CCDC171: variants seen among roughly 807,000 people sequenced by gnomAD.
CCDC171 encodes the protein coiled-coil domain-containing protein 171.
CCDC171 carries 177 observed loss-of-function variants against 168.2 expected under a neutral mutation model. The observed-to-expected ratio is 1.05, with a 90% CI of 0.93 to 1.19. The LOEUF is 1.19. Among genes scored for constraint, CCDC171 ranks in the 50% most tolerant of loss-of-function variants. The probability of loss-of-function intolerance (pLI) is 0.00; values close to 1 mark genes in which losing one functional copy is unlikely to be tolerated. For missense variants in CCDC171, 1,991 were observed against 1,539.0 expected (o/e 1.29, Z -4.91); for synonymous variants, 687 against 540.8 (o/e 1.27, Z -3.75).
chr9:16,089,897 A>G, the CCDC171 span, among the ~76,000 whole-genome samples: 2 of 152,162 alleles, frequency 1.3e-5, no homozygotes, highest in Admixed American at 1.3e-4. Flanking sequence ...AGTAGGATGG[A>G]GATCATTAAA....
intron 3 of CCDC171, among the ~76,000 whole-genome samples, chr9:15,983,171 C>G (rs1417681544): frequency 1.3e-5 from 2 of 152,000 alleles, no homozygotes; most frequent in South Asian, 4.2e-4. Flanking sequence ...TTCAGAACCC[C>G]CTTCCCCTTT....
chr9:15,634,660 T>A (rs2132381113), intron 7 of CCDC171, among the ~76,000 whole-genome samples: 1 of 152,328 alleles, frequency 6.6e-6, no homozygotes, highest in African/African-American at 2.4e-5. Flanking sequence ...AGATGTAATT[T>A]GCATATTATA....
intron 21 of CCDC171, among the ~76,000 whole-genome samples, chr9:15,797,190 A>G (rs1186653136): frequency 6.6e-6 from 1 of 152,134 alleles, no homozygotes; most frequent in Non-Finnish European, 1.5e-5. Flanking sequence ...TTTGTAAAAT[A>G]TCTGTTCAAA....
intron 25 of CCDC171, among the ~76,000 whole-genome samples, chr9:15,926,311 A>C (rs1361346243): frequency 6.6e-6 from 1 of 151,572 alleles, no homozygotes; most frequent in East Asian, 1.9e-4. Context: ...TTTTAGTTCC[A>C]TTCCCCCTCT....
chr9:16,077,968 C>T, the CCDC171 span, among the ~76,000 whole-genome samples: 1 of 151,860 alleles, frequency 6.6e-6, no homozygotes, highest in Admixed American at 6.6e-5. Context: ...ACCTAATATA[C>T]ATTGTGATGG....
At chr9:15,827,804 G>A (rs538096203) in intron 21 of CCDC171, among the ~76,000 whole-genome samples, 97 of 152,232 alleles carry the variant, frequency 6.4e-4, no homozygotes, top group African/African-American at 2.3e-3. Flanking sequence ...CCTTTAGTTT[G>A]TTGTAGCTGA....
At chr9:15,982,030 T>C (rs1177331318) in intron 3 of CCDC171, among the ~76,000 whole-genome samples, 2 of 152,194 alleles carry the variant, frequency 1.3e-5, no homozygotes, top group Non-Finnish European at 2.9e-5. Flanking sequence ...CATATTGTAG[T>C]TGTAGTTTAT....
intron 21 of CCDC171, among the ~76,000 whole-genome samples, chr9:15,801,987 G>T (rs1405381952): frequency 6.6e-6 from 1 of 151,952 alleles, no homozygotes; most frequent in African/African-American, 2.4e-5. Flanking sequence ...CATGTTGAAT[G>T]ATCTTTTTAA....
At position 15,972,206 on chromosome 9, in the gene CCDC171, G is replaced by A. The variant is rs1274797873; in HGVS notation, c.*370G>A. The A allele has an allele frequency of 1.1e-5, 2 of 183,668 alleles. No homozygotes were observed. The highest frequency in any genetic ancestry group is 2.4e-5 in the African/African-American group (1 of 42,070). 11.4% of individuals were successfully genotyped at this position (183,668 alleles called of 1,614,324 possible). ...AAGCAGGACTGCAATGCTTTAATAG[G>A]ATTGAGAGAGCTATTTGAAATGTAT... On this transcript the variant is annotated 3_prime_UTR_variant, in exon 26 of 26. Transcript: ENST00000380701.
At chr9:15,746,275 T>G (rs948841748) in intron 18 of CCDC171, among the ~76,000 whole-genome samples, 2 of 152,252 alleles carry the variant, frequency 1.3e-5, no homozygotes, top group Non-Finnish European at 2.9e-5. Context: ...ACTTAAGATT[T>G]GTCTGTTTAA....
At chr9:16,089,239 C>T in the CCDC171 span, among the ~76,000 whole-genome samples, 7 of 151,616 alleles carry the variant, frequency 4.6e-5, no homozygotes, top group Non-Finnish European at 8.8e-5. Context: ...AAACATAAGA[C>T]CTAAAACCAT....
chr9:15,574,272 G>A (rs1355017603), intron 3 of CCDC171, among the ~76,000 whole-genome samples: 1 of 151,914 alleles, frequency 6.6e-6, no homozygotes, highest in Admixed American at 6.6e-5. Flanking sequence ...AGCCTCCTGC[G>A]TAGCTGGGAT....
intron 10 of CCDC171, among the ~76,000 whole-genome samples, chr9:15,690,248 G>T (rs2050694654): frequency 6.6e-6 from 1 of 151,946 alleles, no homozygotes; most frequent in Non-Finnish European, 1.5e-5. Flanking sequence ...ACTTTAATTG[G>T]GTGAGCTGTA....
At chr9:15,594,520 A>G (rs1367773923) in intron 6 of CCDC171, among the ~76,000 whole-genome samples, 2 of 152,198 alleles carry the variant, frequency 1.3e-5, no homozygotes, top group Non-Finnish European at 2.9e-5. Flanking sequence ...GAATCCTTAC[A>G]AATCATATAG....
intron 21 of CCDC171, among the ~76,000 whole-genome samples, chr9:15,842,503 A>G (rs932436014): frequency 2.6e-5 from 4 of 152,068 alleles, no homozygotes; most frequent in Non-Finnish European, 2.9e-5. Context: ...TACACTTTGT[A>G]TATCTTATGC....
At chr9:15,951,883 C>G (rs2132483471) in intron 25 of CCDC171, among the ~76,000 whole-genome samples, 1 of 152,180 alleles carries the variant, frequency 6.6e-6, no homozygotes, top group South Asian at 2.1e-4. Flanking sequence ...TTCAATTTGT[C>G]TGTTTTTTTC....
chr9:16,084,033 G>C, the CCDC171 span, among the ~76,000 whole-genome samples: 1 of 152,182 alleles, frequency 6.6e-6, no homozygotes, highest in Non-Finnish European at 1.5e-5. Context: ...GAGTTACTCT[G>C]CTCTTACAGA....
At chr9:15,799,135 C>CATAT (rs57651824) in intron 21 of CCDC171, among the ~76,000 whole-genome samples, 1,123 of 108,978 alleles carry the variant, frequency 0.01, 25 homozygotes, top group East Asian at 0.039. Context: ...TCATCATTGC[C>CATAT]ATATATATAT....
At chr9:15,722,564 A>T (rs2053552148) in intron 12 of CCDC171, among the ~76,000 whole-genome samples, 1 of 152,242 alleles carries the variant, frequency 6.6e-6, no homozygotes, top group Non-Finnish European at 1.5e-5. Context: ...AAGTAATTAC[A>T]TTAAATACAA....
Sources: gnomAD v4.1 joint callset for allele counts (sites outside exome capture counted in the v4.1 genomes callset) on GRCh38, gnomAD v4.1.1 for gene constraint, MANE v1.5 for transcripts, NCBI Gene and HGNC (gene_info 2026-07-23, HGNC 2026-07-21) for gene names.